NRXN1: variants seen among roughly 807,000 people sequenced by gnomAD.
The protein encoded by NRXN1 is neurexin-1.
In NRXN1, 39 loss-of-function variants were observed where a neutral mutation model predicts 150.9. That is an observed-to-expected ratio of 0.26 (90% CI 0.20 to 0.34). The LOEUF is 0.34. Among genes scored for constraint, NRXN1 ranks in the 10% least tolerant of loss-of-function variants. The probability of loss-of-function intolerance (pLI) is 1.00; values close to 1 mark genes in which losing one functional copy is unlikely to be tolerated. For missense variants in NRXN1, 1,815 were observed against 1,949.9 expected, an observed-to-expected ratio of 0.93 and a Z score of 1.30; for synonymous variants, 924 against 757.0, an observed-to-expected ratio of 1.22 and a Z score of -3.62.
At chr2:50,374,477 C>G (rs927160953) in intron 17 of NRXN1, among the ~76,000 whole-genome samples, 4 of 151,944 alleles carry the variant, frequency 2.6e-5, no homozygotes, top group Non-Finnish European at 5.9e-5. Context: ...CATAAATAAA[C>G]TCATAGACAT....
intron 21 of NRXN1, among the ~76,000 whole-genome samples, chr2:49,981,878 A>G (rs1573206646): frequency 6.6e-6 from 1 of 152,154 alleles, no homozygotes; most frequent in East Asian, 1.9e-4. Context: ...ATGGTTTTCC[A>G]AAGTTAAGTT....
intron 18 of NRXN1, among the ~76,000 whole-genome samples, chr2:50,199,847 T>C (rs1280986252): frequency 6.6e-6 from 1 of 152,168 alleles, no homozygotes; most frequent in African/African-American, 2.4e-5. Context: ...ATACAATTTA[T>C]TCTTTTTGGA....
intron 5 of NRXN1, among the ~76,000 whole-genome samples, chr2:50,774,517 G>A (rs975495434): frequency 2.6e-5 from 4 of 152,086 alleles, no homozygotes; most frequent in African/African-American, 9.7e-5. Context: ...AATCACCCTT[G>A]AAAGTATGTT....
At chr2:50,907,912 C>T (rs571378319) in intron 5 of NRXN1, among the ~76,000 whole-genome samples, 11 of 152,200 alleles carry the variant, frequency 7.2e-5, no homozygotes, top group African/African-American at 2.6e-4. Context: ...TTTGTTATGG[C>T]ATCAATAGAA....
At position 50,515,603 on chromosome 2, in the gene NRXN1, GTGT is replaced by G. The variant is rs1558865602; in HGVS notation, c.2375-8989_2375-8987del. On this transcript the variant is annotated intron_variant, in intron 12 of 22. Transcript: ENST00000401669. ...GAAACATTCATTAAATGCTTGGGGT[GTGT>G]GTGTGTGTGTGTGTGTGTGTGTGTG... is the stretch of plus-strand genomic sequence containing the variant. 2.4e-3 allele frequency among the ~76,000 whole-genome samples: 123 copies of G among 52,056 alleles called. 1 individual carries two copies. The highest frequency in any genetic ancestry group is 3.8e-3 in the South Asian group (7 of 1,828). The allele number at this position is 52,056 out of a possible 152,430, so 34.2% of individuals were successfully genotyped here.
chr2:50,309,131 T>C (rs1305373092), intron 17 of NRXN1, among the ~76,000 whole-genome samples: 1 of 152,216 alleles, frequency 6.6e-6, no homozygotes, highest in Non-Finnish European at 1.5e-5. Context: ...TTCCCATTTA[T>C]AGATTTGTTA....
chr2:50,581,752 C>T (rs934065073), intron 8 of NRXN1, among the ~76,000 whole-genome samples: 11 of 152,000 alleles, frequency 7.2e-5, no homozygotes, highest in African/African-American at 2.7e-4. Flanking sequence ...CTGTTCTGGA[C>T]AATAAGACAT....
intron 2 of NRXN1, among the ~76,000 whole-genome samples, chr2:50,932,393 T>G (rs1041575595): frequency 6.6e-6 from 1 of 152,040 alleles, no homozygotes; most frequent in Non-Finnish European, 1.5e-5. Context: ...CCCTATGTAT[T>G]AGGTCAATCT....
intron 2 of NRXN1, among the ~76,000 whole-genome samples, chr2:50,988,891 G>A (rs1194736383): frequency 1.3e-5 from 2 of 151,776 alleles, no homozygotes; most frequent in Non-Finnish European, 2.9e-5. Flanking sequence ...TAGGTGGTTG[G>A]GGAGATCAAG....
At chr2:50,069,201 C>A (rs1387098794) in intron 19 of NRXN1, among the ~76,000 whole-genome samples, 1 of 152,132 alleles carries the variant, frequency 6.6e-6, no homozygotes, top group African/African-American at 2.4e-5. Context: ...TCAAAGGGAT[C>A]CACTTCAACT....
intron 17 of NRXN1, among the ~76,000 whole-genome samples, chr2:50,401,258 G>A (rs1431282182): frequency 6.6e-6 from 1 of 152,078 alleles, no homozygotes; most frequent in Non-Finnish European, 1.5e-5. Context: ...TATACCTTAA[G>A]ATGGGAAGGC....
At chr2:50,730,527 T>C (rs1251998416) in intron 5 of NRXN1, among the ~76,000 whole-genome samples, 2 of 152,116 alleles carry the variant, frequency 1.3e-5, no homozygotes, top group South Asian at 2.1e-4. Flanking sequence ...TGTTGACTAG[T>C]GCAGCCTTCA....
intron 5 of NRXN1, among the ~76,000 whole-genome samples, chr2:50,654,845 T>C (rs1294871452): frequency 6.6e-6 from 1 of 152,036 alleles, no homozygotes; most frequent in Non-Finnish European, 1.5e-5. Flanking sequence ...GAAGTGTCTG[T>C]TCATATCCTT....
chr2:50,251,010 G>A (rs202006202), intron 17 of NRXN1, among the ~76,000 whole-genome samples: 62,925 of 147,232 alleles, frequency 0.43, 13,889 homozygotes, highest in Middle Eastern at 0.46. Flanking sequence ...TTGCATATGT[G>A]TAATATTACA....
At chr2:50,486,644 G>C (rs1210699271) in intron 15 of NRXN1, among the ~76,000 whole-genome samples, 1 of 152,114 alleles carries the variant, frequency 6.6e-6, no homozygotes, top group African/African-American at 2.4e-5. Flanking sequence ...TCTGTGTATT[G>C]TGGGTAGGGG....
At chr2:50,588,962 A>C (rs1244740062) in intron 8 of NRXN1, 1 of 152,222 alleles carries the variant, frequency 6.6e-6, no homozygotes, top group Non-Finnish European at 1.5e-5. Context: ...CATAGCTCAG[A>C]CTATGCCCAT....
intron 4 of NRXN1, chr2:50,922,435 A>C: frequency 1.6e-6 from 1 of 617,136 alleles, no homozygotes; most frequent in East Asian, 2.8e-5. Context: ...CAAATATTAT[A>C]ATGCAAGAAA....
At chr2:50,630,498 T>A (rs1215582690) in intron 5 of NRXN1, among the ~76,000 whole-genome samples, 1 of 151,750 alleles carries the variant, frequency 6.6e-6, no homozygotes, top group African/African-American at 2.4e-5. Context: ...ACTGAACTTC[T>A]TCACCAAATA....
chr2:50,019,938 A>T (rs1558706437), intron 21 of NRXN1, among the ~76,000 whole-genome samples: 1 of 108,330 alleles, frequency 9.2e-6, no homozygotes, highest in Non-Finnish European at 1.8e-5. Context: ...ACAAAGCAAG[A>T]CTCCGTCTCA....
Sources: gnomAD v4.1 joint callset for allele counts (sites outside exome capture counted in the v4.1 genomes callset) on GRCh38, gnomAD v4.1.1 for gene constraint, MANE v1.5 for transcripts, NCBI Gene and HGNC (gene_info 2026-07-23, HGNC 2026-07-21) for gene names.